Variants in ERC1 observed in about 807,000 individuals in gnomAD.
The protein encoded by ERC1 is ELKS/RAB6-interacting/CAST family member 1, also known as RAB6 interacting protein 2.
ERC1 carries 56 observed loss-of-function variants against 132.0 expected under a neutral mutation model. The ratio of observed to expected loss-of-function variants is 0.42; its 90% CI spans 0.34 to 0.53. The LOEUF (loss-of-function observed/expected upper bound fraction) is 0.53, where lower values mean the gene tolerates loss of function less well. Among genes scored for constraint, ERC1 ranks in the 20% least tolerant of loss-of-function variants. The pLI is 0.03. For missense variants in ERC1, 1,202 were observed against 1,349.9 expected (o/e 0.89, Z 1.72); for synonymous variants, 478 against 476.1 (o/e 1.00, Z -0.05).
rs150190561 is a variant in ERC1, at chr12:1,226,547, G to A, written c.2352-10222G>A. ...ACTTACTCATCTTCTGTAACTGAAA[G>A]TTTATGCCCTTTGACAAACATCTTC... On this transcript the variant is annotated intron_variant, in intron 12 of 18. Transcript: ENST00000360905. Among the ~76,000 whole-genome samples, 15 of 152,304 alleles carry A rather than the reference G, an allele frequency of 9.8e-5. No homozygotes were observed. In the East Asian group the frequency reaches 2.5e-3, roughly 25 times the overall value.
At chr12:1,007,109 A>G (rs1209371878) in intron 1 of ERC1, among the ~76,000 whole-genome samples, 1 of 152,098 alleles carries the variant, frequency 6.6e-6, no homozygotes, top group Non-Finnish European at 1.5e-5. Flanking sequence ...GAGACAGTAA[A>G]CAGGCAATTA....
rs776830606 is a variant in ERC1, at chr12:1,263,044, G to A, written c.2498G>A (p.Arg833His). 22 of 1,613,948 alleles carry A rather than the reference G, an allele frequency of 1.4e-5. No homozygotes were observed. The highest frequency in any genetic ancestry group is 7.7e-5 in the South Asian group (7 of 91,070). ...TCCATCATTTTCTAGGACAGTCTCC[G>A]TAAGAAGGATGACAGGATTGAAGAG... is the stretch of plus-strand genomic sequence containing the variant. The part of the protein sequence containing the change: ...DSSQQLQDSL[R>H]KKDDRIEELE... The change falls in exon 14 of 19, where the codon CGT becomes CAT. Residue 833 changes from arginine (R) to histidine (H), a missense_variant. Transcript: ENST00000360905.
intron 18 of ERC1, among the ~76,000 whole-genome samples, chr12:1,470,442 T>G (rs966304356): frequency 6.0e-5 from 9 of 149,958 alleles, no homozygotes; most frequent in African/African-American, 1.2e-4. Context: ...GGGTTTGGGG[T>G]TTTTTTTGTT....
Position 1,110,185 on chromosome 12 carries a change from T to A in ERC1, c.1162-7T>A. On this transcript the variant is annotated splice_region_variant and splice_polypyrimidine_tract_variant and intron_variant, in intron 4 of 18. Transcript: ENST00000360905. ...ACTTCAATCACTAAATCTTCCATTG[T>A]CTTCAGGATTCAAAAATTTCCTCTA... is the stretch of plus-strand genomic sequence containing the variant. 6.3e-7 allele frequency: 1 copy of A among 1,598,578 alleles called. No individual in the cohort carries two copies. Among genetic ancestry groups the A allele is most frequent in the Non-Finnish European group, 8.5e-7 (1 of 1,174,960 alleles).
chr12:1,440,530 CAG>C (rs929832425), intron 17 of ERC1, among the ~76,000 whole-genome samples: 1 of 137,454 alleles, frequency 7.3e-6, no homozygotes, highest in Non-Finnish European at 1.5e-5. Context: ...TTAATAGAGA[CAG>C]AGTCTTGCTA....
In ERC1 at chr12:1,493,938, T is replaced by C. The variant is rs1415094025; in HGVS notation, c.*3708T>C. 1 of 231,798 alleles carries C rather than the reference T, an allele frequency of 4.3e-6. No individual in the cohort carries two copies. The highest frequency in any genetic ancestry group is 6.1e-5 in the East Asian group (1 of 16,372). The allele number at this position is 231,798 out of a possible 1,614,324, so 14.4% of individuals were successfully genotyped here. Reference sequence around the variant, plus strand: ...GCAACCATCATGTGTCACCCCAAAATATAAATGTTTCTGAGCCGCCCATCC... The same window carrying C: ...GCAACCATCATGTGTCACCCCAAAACATAAATGTTTCTGAGCCGCCCATCC... On this transcript the variant is annotated 3_prime_UTR_variant, in exon 19 of 19. Transcript: ENST00000360905.
rs372053389 is a variant in ERC1 at position 1,095,930 on chromosome 12, A to AT, written c.1087-8802dup. Among the ~76,000 whole-genome samples the AT allele has an allele frequency of 5.8e-3, 843 of 144,684 alleles. 11 individuals are homozygous for AT. The highest frequency in any genetic ancestry group is 0.02 in the African/African-American group (778 of 39,174). 94.9% of individuals were successfully genotyped at this position (144,684 alleles called of 152,430 possible). On this transcript the variant is annotated intron_variant, in intron 3 of 18. Coordinates refer to ENST00000360905, the MANE Select transcript of ERC1 (RefSeq NM_178040.4). The stretch of plus-strand genomic sequence containing the variant: ...AATTCTTTATTGTACGCAGGGAAGG[A>AT]TTTTTTTTTTTTTTTTTTGAGATAG...
intron 8 of ERC1, among the ~76,000 whole-genome samples, chr12:1,175,998 A>G (rs1262524102): frequency 6.6e-6 from 1 of 152,094 alleles, no homozygotes; most frequent in East Asian, 1.9e-4. Flanking sequence ...ACTTCTCCCA[A>G]TCTCCTGTTA....
chr12:1,357,398 A>G (rs1249602452), intron 15 of ERC1, among the ~76,000 whole-genome samples: 1 of 152,224 alleles, frequency 6.6e-6, no homozygotes, highest in Admixed American at 6.5e-5. Context: ...GGGAAAGGTT[A>G]AATAAACAGT....
At chr12:1,480,886 T>A (rs1031492220) in intron 18 of ERC1, 7 of 702,430 alleles carry the variant, frequency 1.0e-5, no homozygotes, top group Non-Finnish European at 1.8e-5. Flanking sequence ...CCTTTTTTCA[T>A]GTGATGCTCA....
At chr12:1,481,101 T>C (rs1287109567) in intron 18 of ERC1, among the ~76,000 whole-genome samples, 1 of 152,200 alleles carries the variant, frequency 6.6e-6, no homozygotes. Context: ...ATAACAATAC[T>C]CGGAACAGCA....
intron 15 of ERC1, among the ~76,000 whole-genome samples, chr12:1,300,644 G>A (rs544801740): frequency 2.4e-4 from 36 of 152,176 alleles, no homozygotes; most frequent in African/African-American, 6.0e-4. Flanking sequence ...GGCAAAGGGC[G>A]TGAACAGACA....
chr12:1,279,777 C>T (rs1292050650), intron 14 of ERC1, among the ~76,000 whole-genome samples: 3 of 151,986 alleles, frequency 2.0e-5, no homozygotes, highest in Non-Finnish European at 4.4e-5. Context: ...CTCACTGCAA[C>T]CTCCGCGTCC....
intron 17 of ERC1, among the ~76,000 whole-genome samples, chr12:1,442,563 G>A (rs1364131985): frequency 6.6e-6 from 1 of 152,150 alleles, no homozygotes; most frequent in Non-Finnish European, 1.5e-5. Context: ...GTCTAGCCAG[G>A]CTCCAGCTTC....
chr12:1,136,532 T>A (rs1481030954), intron 7 of ERC1, among the ~76,000 whole-genome samples: 1 of 152,242 alleles, frequency 6.6e-6, no homozygotes, highest in Non-Finnish European at 1.5e-5. Context: ...ATCTTAGTTA[T>A]CTTTGTGTCT....
chr12:1,090,996 C>T (rs147347189), intron 3 of ERC1, among the ~76,000 whole-genome samples: 1,649 of 147,400 alleles, frequency 0.011, 19 homozygotes, highest in Middle Eastern at 0.036. Context: ...CTCCCGGGTT[C>T]AAGCTATTCT....
chr12:1,051,194 A>G (rs539269621), intron 2 of ERC1, among the ~76,000 whole-genome samples: 10 of 152,110 alleles, frequency 6.6e-5, no homozygotes, highest in Non-Finnish European at 8.8e-5. Context: ...CATTTTTAAA[A>G]TACTTTTGGT....
At chr12:1,374,069 C>T (rs12425175) in intron 16 of ERC1, among the ~76,000 whole-genome samples, 63,482 of 152,046 alleles carry the variant, frequency 0.42, 14,829 homozygotes, top group African/African-American at 0.63. Context: ...TCTTTAATTC[C>T]TCCAAGAGTG....
At chr12:1,409,054 C>T (rs771159476) in intron 17 of ERC1, among the ~76,000 whole-genome samples, 2 of 151,884 alleles carry the variant, frequency 1.3e-5, no homozygotes, top group Non-Finnish European at 2.9e-5. Context: ...TCCTGCTAAA[C>T]GTCTCCACTA....
Sources: gnomAD v4.1 joint callset for allele counts (sites outside exome capture counted in the v4.1 genomes callset) on GRCh38, gnomAD v4.1.1 for gene constraint, MANE v1.5 for transcripts, NCBI Gene and HGNC (gene_info 2026-07-23, HGNC 2026-07-21) for gene names.